Variants in ERBB4 observed in about 807,000 individuals in gnomAD.
ERBB4 encodes the protein receptor tyrosine-protein kinase erbB-4.
In ERBB4, 42 loss-of-function variants were observed where a neutral mutation model predicts 158.0. The observed-to-expected ratio is 0.27, with a 90% CI of 0.21 to 0.34. The LOEUF is 0.34. Ranked by LOEUF, ERBB4 falls within the 10% of genes least tolerant of loss-of-function variation. The probability of loss-of-function intolerance (pLI) is 1.00; values close to 1 mark genes in which losing one functional copy is unlikely to be tolerated. For missense variants in ERBB4, 1,333 were observed against 1,624.1 expected (o/e 0.82, Z 3.08); for synonymous variants, 583 against 558.7 (o/e 1.04, Z -0.61).
intron 2 of ERBB4, 184 bp downstream of exon 2, chr2:212,124,568 T>C: frequency 1.6e-6 from 1 of 642,028 alleles, no homozygotes; most frequent in Non-Finnish European, 2.7e-6. Context: ...GCGTCAGTCA[T>C]TATGGCTTTG....
At chr2:211,700,665 C>T (rs150998265) in intron 12 of ERBB4, among the ~76,000 whole-genome samples, 184 of 152,202 alleles carry the variant, frequency 1.2e-3, no homozygotes, top group African/African-American at 4.0e-3. Context: ...ATGTTGGCCT[C>T]TTAAGAGTTT....
chr2:211,459,368 C>T (rs1355609362), intron 20 of ERBB4, among the ~76,000 whole-genome samples: 1 of 152,128 alleles, frequency 6.6e-6, no homozygotes, highest in East Asian at 1.9e-4. Context: ...GTGGTAATCC[C>T]ACAACTCTCC....
chr2:212,122,109 T>G (rs1037762571), intron 2 of ERBB4, among the ~76,000 whole-genome samples: 1 of 151,086 alleles, frequency 6.6e-6, no homozygotes, highest in Non-Finnish European at 1.5e-5. Flanking sequence ...CACATATATA[T>G]CACATATAAA....
rs571569604 is a variant in ERBB4, at chr2:212,228,659, T to C, written c.83-103756A>G. 1.6e-4 allele frequency among the ~76,000 whole-genome samples: 24 copies of C among 151,932 alleles called. No homozygotes were observed. The East Asian group carries it at 4.6e-3, about 29-fold the overall frequency. On this transcript the variant is annotated intron_variant, in intron 1 of 27. Transcript: ENST00000342788. Reference sequence around the variant, plus strand: ...TGAGATGGCAGATAAAAAAAATATATAAACAAAAAATCAGTAAACCCCACC... The same window carrying C: ...TGAGATGGCAGATAAAAAAAATATACAAACAAAAAATCAGTAAACCCCACC...
intron 8 of ERBB4, among the ~76,000 whole-genome samples, chr2:211,712,438 C>T (rs1291636847): frequency 1.3e-5 from 2 of 152,208 alleles, no homozygotes; most frequent in South Asian, 2.1e-4. Context: ...ACCCAGTATA[C>T]ACACATAACA....
At chr2:212,071,692 T>A (rs1014388445) in intron 2 of ERBB4, among the ~76,000 whole-genome samples, 2 of 152,062 alleles carry the variant, frequency 1.3e-5, no homozygotes, top group African/African-American at 4.8e-5. Context: ...CTTTTTGGTT[T>A]TTGTCATGAC....
intron 25 of ERBB4, among the ~76,000 whole-genome samples, chr2:211,419,936 G>A (rs561875729): frequency 3.9e-5 from 6 of 151,914 alleles, no homozygotes; most frequent in Non-Finnish European, 5.9e-5. Context: ...CAGCCTTTTC[G>A]ATGTGATTAG....
intron 20 of ERBB4, among the ~76,000 whole-genome samples, chr2:211,538,784 T>C (rs1458960106): frequency 6.6e-6 from 1 of 151,854 alleles, no homozygotes; most frequent in Non-Finnish European, 1.5e-5. Flanking sequence ...AGATGTGACA[T>C]CCAGGGAATC....
chr2:212,264,572 T>C (rs1431920434), intron 1 of ERBB4, among the ~76,000 whole-genome samples: 4 of 152,094 alleles, frequency 2.6e-5, no homozygotes, highest in Non-Finnish European at 4.4e-5. Context: ...ATTATCAAGA[T>C]AGGTTTACTA....
intron 19 of ERBB4, among the ~76,000 whole-genome samples, chr2:211,588,900 T>C (rs1017723842): frequency 6.6e-6 from 1 of 152,174 alleles, no homozygotes. Context: ...TCTGCAGTAC[T>C]TAATCTATAC....
chr2:211,445,599 A>T (rs1038082133), intron 20 of ERBB4, among the ~76,000 whole-genome samples: 10 of 152,154 alleles, frequency 6.6e-5, no homozygotes, highest in Non-Finnish European at 8.8e-5. Context: ...TATCAAATAC[A>T]ATAGGGACGT....
At chr2:212,097,133 G>A (rs1284359327) in intron 2 of ERBB4, among the ~76,000 whole-genome samples, 1 of 152,132 alleles carries the variant, frequency 6.6e-6, no homozygotes, top group African/African-American at 2.4e-5. Flanking sequence ...AAAGATAAAT[G>A]TTGTTCCCAT....
intron 2 of ERBB4, among the ~76,000 whole-genome samples, chr2:212,057,786 T>C (rs13033556): frequency 0.82 from 124,182 of 151,962 alleles, 52,689 homozygotes; most frequent in East Asian, 1. Flanking sequence ...AAGCAGTGTG[T>C]AGAGGGAAAT....
At chr2:211,579,064 G>A (rs1043024375) in intron 19 of ERBB4, among the ~76,000 whole-genome samples, 6 of 151,852 alleles carry the variant, frequency 4.0e-5, no homozygotes, top group Non-Finnish European at 8.8e-5. Flanking sequence ...GGCAAAGGTC[G>A]AATATCCAGA....
At chr2:211,906,852 T>C (rs1001436704) in intron 3 of ERBB4, among the ~76,000 whole-genome samples, 1 of 151,616 alleles carries the variant, frequency 6.6e-6, no homozygotes, top group African/African-American at 2.4e-5. Context: ...AATGGCATCT[T>C]GTCTTTTAAT....
intron 25 of ERBB4, among the ~76,000 whole-genome samples, chr2:211,404,191 T>C (rs553450939): frequency 6.6e-6 from 1 of 152,076 alleles, no homozygotes; most frequent in Non-Finnish European, 1.5e-5. Context: ...GCTCAACTCT[T>C]GATTTATCTC....
chr2:212,413,730 G>A (rs1479649622), intron 1 of ERBB4, among the ~76,000 whole-genome samples: 1 of 151,898 alleles, frequency 6.6e-6, no homozygotes, highest in Non-Finnish European at 1.5e-5. Context: ...CTATTTAATA[G>A]GTATTATCAA....
chr2:212,004,396 T>G (rs376087434), intron 2 of ERBB4, among the ~76,000 whole-genome samples: 1 of 152,168 alleles, frequency 6.6e-6, no homozygotes, highest in South Asian at 2.1e-4. Flanking sequence ...AGTACATATG[T>G]TAGCCTGAAC....
chr2:211,536,283 C>T (rs925172519), intron 20 of ERBB4, among the ~76,000 whole-genome samples: 6 of 152,094 alleles, frequency 3.9e-5, no homozygotes, highest in Non-Finnish European at 5.9e-5. Flanking sequence ...CATTTGTTTA[C>T]CATGTCTGAA....
Sources: gnomAD v4.1 joint callset for allele counts (sites outside exome capture counted in the v4.1 genomes callset) on GRCh38, gnomAD v4.1.1 for gene constraint, MANE v1.5 for transcripts, NCBI Gene and HGNC (gene_info 2026-07-23, HGNC 2026-07-21) for gene names.